HPSE2: variants seen among roughly 807,000 people sequenced by gnomAD.
HPSE2 encodes inactive heparanase-2.
Under a neutral mutation model 60.5 loss-of-function variants are expected in HPSE2, and 38 were observed. The observed-to-expected ratio is 0.63, with a 90% confidence interval of 0.48 to 0.82. The LOEUF is 0.82. HPSE2 is among the 40% of genes least tolerant of loss of function. The pLI is 0.00. For missense variants in HPSE2, 713 were observed against 740.4 expected (o/e 0.96, Z 0.43); for synonymous variants, 295 against 293.2 (o/e 1.01, Z -0.06).
At chr10:99,069,622 A>G (rs1842723939) in intron 3 of HPSE2, among the ~76,000 whole-genome samples, 1 of 151,022 alleles carries the variant, frequency 6.6e-6, no homozygotes, top group African/African-American at 2.4e-5. Context: ...TTAGAGCTAT[A>G]CAGTACTAAT....
intron 3 of HPSE2, among the ~76,000 whole-genome samples, chr10:98,748,172 T>A (rs1949671868): frequency 6.6e-6 from 1 of 152,060 alleles, no homozygotes; most frequent in Non-Finnish European, 1.5e-5. Flanking sequence ...TGGTGGCACA[T>A]GCCTGTAATC....
chr10:98,566,626 A>G (rs1029562283), intron 9 of HPSE2, among the ~76,000 whole-genome samples: 1 of 152,226 alleles, frequency 6.6e-6, no homozygotes, highest in Non-Finnish European at 1.5e-5. Flanking sequence ...CTTTGTGCGA[A>G]GGCAGCACAA....
In HPSE2 at chr10:99,060,817, T is replaced by A. The variant is rs537172918; in HGVS notation, c.610+83421A>T. Reference sequence around the variant, plus strand: ...GCAAAAACACAAATGGAACTGGAGGTCATTAGGTGAAATAAACCAGGAACA... The same window carrying A: ...GCAAAAACACAAATGGAACTGGAGGACATTAGGTGAAATAAACCAGGAACA... On this transcript the variant is annotated intron_variant, in intron 3 of 11. Coordinates refer to ENST00000370552, the MANE Select transcript of HPSE2 (RefSeq NM_021828.5). Among the ~76,000 whole-genome samples the A allele has an allele frequency of 2.0e-5, 3 of 151,486 alleles. No individual in the cohort carries two copies. The South Asian group carries it at 6.3e-4, about 32-fold the overall frequency.
intron 5 of HPSE2, among the ~76,000 whole-genome samples, chr10:98,720,853 A>G (rs1948904779): frequency 6.6e-6 from 1 of 152,182 alleles, no homozygotes; most frequent in Non-Finnish European, 1.5e-5. Context: ...AATGAGTAAA[A>G]AATGCAGCAC....
At chr10:98,816,457 A>C (rs1237076506) in intron 3 of HPSE2, among the ~76,000 whole-genome samples, 1 of 152,176 alleles carries the variant, frequency 6.6e-6, no homozygotes, top group Non-Finnish European at 1.5e-5. Flanking sequence ...TGTCGAGTAC[A>C]TTATAAAATT....
At chr10:99,074,947 T>C (rs1204827955) in intron 3 of HPSE2, among the ~76,000 whole-genome samples, 2 of 152,064 alleles carry the variant, frequency 1.3e-5, no homozygotes, top group Non-Finnish European at 2.9e-5. Flanking sequence ...TCCCCTTTCT[T>C]GGTTAATCTT....
intron 3 of HPSE2, among the ~76,000 whole-genome samples, chr10:99,046,004 T>A (rs1218675024): frequency 6.6e-6 from 1 of 152,116 alleles, no homozygotes; most frequent in Non-Finnish European, 1.5e-5. Flanking sequence ...AACATCAGCC[T>A]AATACCAAAG....
chr10:98,983,833 C>T (rs190729920), intron 3 of HPSE2, among the ~76,000 whole-genome samples: 1 of 152,326 alleles, frequency 6.6e-6, no homozygotes, highest in African/African-American at 2.4e-5. Flanking sequence ...AAATGGCACA[C>T]TGGGAGATTA....
intron 2 of HPSE2, among the ~76,000 whole-genome samples, chr10:99,165,846 C>T (rs1010629757): frequency 3.9e-5 from 6 of 152,156 alleles, no homozygotes; most frequent in African/African-American, 1.4e-4. Flanking sequence ...CCAGCCAGTC[C>T]TGTGGGTTTT....
intron 3 of HPSE2, among the ~76,000 whole-genome samples, chr10:98,809,062 C>CT (rs948239909): frequency 1.3e-4 from 20 of 152,066 alleles, no homozygotes; most frequent in Non-Finnish European, 2.6e-4. Flanking sequence ...CCAGGTGACT[C>CT]TTTTTTCAGA....
the HPSE2 span, among the ~76,000 whole-genome samples, chr10:99,310,106 C>T: frequency 0.044 from 6,731 of 152,248 alleles, 213 homozygotes; most frequent in Non-Finnish European, 0.067. Flanking sequence ...TTCTGCTCTG[C>T]GTATTTCTAA....
intron 3 of HPSE2, among the ~76,000 whole-genome samples, chr10:99,066,042 T>C (rs2135535191): frequency 1.1e-5 from 1 of 92,372 alleles, no homozygotes; most frequent in East Asian, 4.2e-4. Context: ...AATTGTTTTC[T>C]AAAACTTTCT....
chr10:99,064,617 A>C (rs1370552251), intron 3 of HPSE2, among the ~76,000 whole-genome samples: 7 of 151,384 alleles, frequency 4.6e-5, no homozygotes, highest in Non-Finnish European at 1.0e-4. Context: ...ATATATATAT[A>C]TATATATCTC....
At chr10:99,118,153 C>T (rs1452905728) in intron 3 of HPSE2, among the ~76,000 whole-genome samples, 1 of 152,086 alleles carries the variant, frequency 6.6e-6, no homozygotes, top group East Asian at 1.9e-4. Context: ...ACTATTATCT[C>T]AATAGACGCA....
At chr10:99,243,393 T>C in the HPSE2 span, among the ~76,000 whole-genome samples, 2 of 152,184 alleles carry the variant, frequency 1.3e-5, no homozygotes, top group East Asian at 1.9e-4. Flanking sequence ...TTCAAGTTGT[T>C]TCTTGAAGAA....
At chr10:98,730,843 C>A (rs1474038202) in intron 4 of HPSE2, among the ~76,000 whole-genome samples, 2 of 152,224 alleles carry the variant, frequency 1.3e-5, no homozygotes, top group African/African-American at 4.8e-5. Context: ...AAAGAAAGCC[C>A]AGATCCGTAT....
chr10:99,134,265 G>A (rs1465777769), intron 3 of HPSE2, among the ~76,000 whole-genome samples: 1 of 152,198 alleles, frequency 6.6e-6, no homozygotes, highest in Non-Finnish European at 1.5e-5. Flanking sequence ...TGAAAGCGAT[G>A]AGGAGAATGG....
intron 3 of HPSE2, among the ~76,000 whole-genome samples, chr10:99,116,787 G>T (rs1277029439): frequency 4.6e-5 from 7 of 152,166 alleles, no homozygotes; most frequent in African/African-American, 1.7e-4. Flanking sequence ...TTGATGGGAA[G>T]TGGCAGGGAG....
chr10:98,946,960 TTTA>T (rs1955204171), intron 3 of HPSE2, among the ~76,000 whole-genome samples: 1 of 151,862 alleles, frequency 6.6e-6, no homozygotes, highest in Admixed American at 6.6e-5. Flanking sequence ...TCACTTATTT[TTTA>T]TCATGTTAAA....
Sources: allele counts gnomAD v4.1 joint callset (sites outside exome capture counted in the v4.1 genomes callset), GRCh38; gene constraint gnomAD v4.1.1; transcripts MANE v1.5; gene names NCBI Gene and HGNC (gene_info 2026-07-23, HGNC 2026-07-21).